DENND1A: variants seen among roughly 807,000 people sequenced by gnomAD.
DENND1A encodes the protein DENN domain-containing protein 1A.
DENND1A carries 51 observed loss-of-function variants against 113.7 expected under a neutral mutation model. The observed-to-expected ratio is 0.45, with a 90% CI of 0.36 to 0.57. The LOEUF (loss-of-function observed/expected upper bound fraction) is 0.57, where lower values mean the gene tolerates loss of function less well. Ranked by LOEUF, DENND1A falls within the 20% of genes least tolerant of loss-of-function variation. DENND1A has a pLI of 0.00. For missense variants in DENND1A, 1,258 were observed against 1,395.9 expected (o/e 0.90, Z 1.57); for synonymous variants, 565 against 570.8 (o/e 0.99, Z 0.14).
intron 5 of DENND1A, among the ~76,000 whole-genome samples, chr9:123,745,986 C>T (rs1255155734): frequency 6.6e-6 from 1 of 152,082 alleles, no homozygotes; most frequent in Non-Finnish European, 1.5e-5. Context: ...AGTTCAAAAC[C>T]AAACAAAGCT....
intron 1 of DENND1A, among the ~76,000 whole-genome samples, chr9:123,917,580 A>C (rs140937170): frequency 1.8e-3 from 269 of 152,236 alleles, no homozygotes; most frequent in African/African-American, 6.4e-3. Context: ...TACCTTTAAA[A>C]ACACACACAC....
intron 19 of DENND1A, among the ~76,000 whole-genome samples, chr9:123,419,906 C>G (rs967729401): frequency 6.6e-6 from 1 of 152,172 alleles, no homozygotes; most frequent in Non-Finnish European, 1.5e-5. Context: ...GCCTCCACTT[C>G]AGAGCTTCAG....
rs1202192729 is a variant in DENND1A at position 123,450,252 on chromosome 9, G to A, written c.1356+441C>T. Among the ~76,000 whole-genome samples, 7 of 152,160 alleles carry A rather than the reference G, an allele frequency of 4.6e-5. No homozygotes were observed. The East Asian group carries it at 1.3e-3, about 29-fold the overall frequency. The stretch of plus-strand genomic sequence containing the variant: ...CATTCTGCTCAGCCCCACCCCCTAT[G>A]CTGTGTCTGGGCGGTGGCCACGTGC... On this transcript the variant is annotated intron_variant, in intron 18 of 23. Coordinates refer to ENST00000394215, the MANE Select transcript of DENND1A (RefSeq NM_001352964.2).
intron 7 of DENND1A, among the ~76,000 whole-genome samples, chr9:123,670,732 T>A (rs1214246770): frequency 6.6e-6 from 1 of 152,144 alleles, no homozygotes; most frequent in Non-Finnish European, 1.5e-5. Flanking sequence ...TCCAATAGGG[T>A]GTAACTAAGT....
chr9:123,499,138 ATT>A (rs2052230273), intron 13 of DENND1A, among the ~76,000 whole-genome samples: 1 of 151,590 alleles, frequency 6.6e-6, no homozygotes, highest in Non-Finnish European at 1.5e-5. Flanking sequence ...GGTTCAAGCT[ATT>A]CTCCCGCCTC....
chr9:123,845,513 C>A (rs1245479918), intron 2 of DENND1A, among the ~76,000 whole-genome samples: 1 of 150,892 alleles, frequency 6.6e-6, no homozygotes, highest in Non-Finnish European at 1.5e-5. Flanking sequence ...TACCCACCCC[C>A]CAAAAAATTA....
intron 20 of DENND1A, among the ~76,000 whole-genome samples, chr9:123,405,986 C>T (rs573209004): frequency 2.5e-4 from 35 of 141,542 alleles, no homozygotes; most frequent in Admixed American, 8.5e-4. Flanking sequence ...ACTTCCTGCC[C>T]ACCCTTTGAG....
At chr9:123,722,922 C>T (rs1046057981) in intron 5 of DENND1A, among the ~76,000 whole-genome samples, 3 of 152,216 alleles carry the variant, frequency 2.0e-5, no homozygotes, top group African/African-American at 7.2e-5. Context: ...GAGAAAAGGG[C>T]CACCATCCTC....
At chr9:123,505,130 A>G (rs574317552) in intron 13 of DENND1A, among the ~76,000 whole-genome samples, 1 of 152,356 alleles carries the variant, frequency 6.6e-6, no homozygotes, top group Admixed American at 6.5e-5. Context: ...TATGTTACCT[A>G]ACATATTTTA....
At chr9:123,848,450 T>C (rs555294476) in intron 2 of DENND1A, among the ~76,000 whole-genome samples, 3 of 152,254 alleles carry the variant, frequency 2.0e-5, no homozygotes, top group Non-Finnish European at 2.9e-5. Flanking sequence ...CCATATAAGA[T>C]GGCAAACTTC....
chr9:123,637,674 A>G (rs544136612), intron 9 of DENND1A, among the ~76,000 whole-genome samples: 1 of 152,192 alleles, frequency 6.6e-6, no homozygotes, highest in African/African-American at 2.4e-5. Context: ...TCTAGCAGAA[A>G]GGCAACTTAG....
intron 5 of DENND1A, among the ~76,000 whole-genome samples, chr9:123,736,125 C>T (rs891533795): frequency 1.3e-5 from 2 of 151,786 alleles, no homozygotes; most frequent in Admixed American, 1.3e-4. Flanking sequence ...AGTAACTATA[C>T]ACACCAATAG....
At chr9:123,638,572 T>A (rs2061842735) in intron 9 of DENND1A, among the ~76,000 whole-genome samples, 2 of 152,064 alleles carry the variant, frequency 1.3e-5, no homozygotes, top group Non-Finnish European at 2.9e-5. Flanking sequence ...TGGGTTCAAG[T>A]GATTCTCCTG....
At chr9:123,493,617 C>T (rs557784244) in intron 13 of DENND1A, among the ~76,000 whole-genome samples, 7 of 152,328 alleles carry the variant, frequency 4.6e-5, no homozygotes, top group African/African-American at 1.4e-4. Context: ...TATGCTCTTC[C>T]ATCCAGTGTG....
chr9:123,625,428 C>A (rs2061161680), intron 10 of DENND1A, among the ~76,000 whole-genome samples: 2 of 152,246 alleles, frequency 1.3e-5, no homozygotes, highest in East Asian at 1.9e-4. Flanking sequence ...AATTTAGCAA[C>A]CAAAACTTTT....
chr9:123,546,120 C>T (rs1373732507), intron 13 of DENND1A, among the ~76,000 whole-genome samples: 1 of 152,196 alleles, frequency 6.6e-6, no homozygotes, highest in Non-Finnish European at 1.5e-5. Context: ...TCCTCCCTAA[C>T]TCTAAATGCC....
intron 1 of DENND1A, among the ~76,000 whole-genome samples, chr9:123,898,010 T>TA (rs1038504941): frequency 6.6e-6 from 1 of 150,562 alleles, no homozygotes; most frequent in Non-Finnish European, 1.5e-5. Flanking sequence ...AGTCAACAAC[T>TA]AAAAAAAATT....
At chr9:123,615,191 G>T (rs1196203468) in intron 10 of DENND1A, among the ~76,000 whole-genome samples, 1 of 152,206 alleles carries the variant, frequency 6.6e-6, no homozygotes, top group South Asian at 2.1e-4. Context: ...GCCAGCATAG[G>T]CTAAGGCATT....
chr9:123,637,813 T>G (rs1475528), intron 9 of DENND1A, among the ~76,000 whole-genome samples: 1 of 151,774 alleles, frequency 6.6e-6, no homozygotes, highest in Non-Finnish European at 1.5e-5. Flanking sequence ...CAGGGGGTAA[T>G]GGCAACAATC....
Sources: allele counts gnomAD v4.1 joint callset (sites outside exome capture counted in the v4.1 genomes callset), GRCh38; gene constraint gnomAD v4.1.1; transcripts MANE v1.5; gene names NCBI Gene and HGNC (gene_info 2026-07-23, HGNC 2026-07-21).